The following TANC2 variants were observed in gnomAD, a reference collection of about 807,000 sequenced individuals.
The protein encoded by TANC2 is protein TANC2.
Under a neutral mutation model 210.5 loss-of-function variants are expected in TANC2, and 26 were observed. That is an observed-to-expected ratio of 0.12 (90% confidence interval 0.09 to 0.17). The LOEUF (loss-of-function observed/expected upper bound fraction) is 0.17, where lower values mean the gene tolerates loss of function less well. TANC2 is among the 10% of genes least tolerant of loss of function. The pLI is 1.00. For missense variants in TANC2, 2,129 were observed against 2,608.9 expected (o/e 0.82, Z 4.01); for synonymous variants, 931 against 967.1 (o/e 0.96, Z 0.69).
At chr17:63,261,343 AC>A (rs1189699306) in intron 8 of TANC2, among the ~76,000 whole-genome samples, 3 of 152,214 alleles carry the variant, frequency 2.0e-5, no homozygotes, top group African/African-American at 7.2e-5. Context: ...GGAAGTAGTT[AC>A]CACCTGTGGA....
intron 4 of TANC2, among the ~76,000 whole-genome samples, chr17:63,102,249 G>A (rs1168417071): frequency 1.3e-5 from 2 of 151,898 alleles, no homozygotes; most frequent in Non-Finnish European, 2.9e-5. Context: ...AGGTGGAGCT[G>A]CAATGAGCTC....
At chr17:63,113,738 G>T (rs1459266085) in intron 4 of TANC2, among the ~76,000 whole-genome samples, 2 of 152,080 alleles carry the variant, frequency 1.3e-5, no homozygotes, top group African/African-American at 4.8e-5. Context: ...AAAGTCCTGG[G>T]CTCAAGCAAC....
Position 63,369,397 on chromosome 17 carries a change from G to C in TANC2, c.2583-10321G>C, listed in dbSNP as rs1337767370. Among the ~76,000 whole-genome samples, 5 of 152,090 alleles carry C rather than the reference G, an allele frequency of 3.3e-5. No individual in the cohort carries two copies. In the South Asian group the frequency reaches 1.0e-3, roughly 32 times the overall value. On this transcript the variant is annotated intron_variant, in intron 14 of 27. Transcript: ENST00000689528. ...TTGAAAAATTACTTCATGTTGGCTA[G>C]GAATGAGTGGTTTGGAATAGACAGG...
At chr17:62,973,202 T>C (rs2031809591) in intron 1 of TANC2, among the ~76,000 whole-genome samples, 2 of 152,208 alleles carry the variant, frequency 1.3e-5, no homozygotes, top group South Asian at 4.1e-4. Context: ...GCTAATTTTG[T>C]TATATTTTTA....
chr17:63,281,514 G>A lies in TANC2; in HGVS notation c.1159+13641G>A, dbSNP rs537681201. ...AACTTTTCAGCTGCTTATTATAACC[G>A]AAGAGAATTTGAATCCGGCTAAGTT... On this transcript the variant is annotated intron_variant, in intron 9 of 27. Transcript: ENST00000689528. Among the ~76,000 whole-genome samples the A allele has an allele frequency of 5.9e-5, 9 of 152,124 alleles. No homozygotes were observed. The South Asian group carries it at 6.2e-4, about 11-fold the overall frequency.
At chr17:63,070,125 C>T (rs754014652) in intron 2 of TANC2, among the ~76,000 whole-genome samples, 5 of 152,080 alleles carry the variant, frequency 3.3e-5, no homozygotes, top group Non-Finnish European at 5.9e-5. Flanking sequence ...ATTATGTACA[C>T]ATTAGTTTTT....
intron 5 of TANC2, among the ~76,000 whole-genome samples, chr17:63,189,052 AT>A (rs2041098124): frequency 6.6e-6 from 1 of 151,660 alleles, no homozygotes; most frequent in Admixed American, 6.6e-5. Context: ...TTTGTGTCTG[AT>A]TTTCTTAGCA....
intron 1 of TANC2, chr17:63,004,822 C>T: frequency 3.1e-6 from 1 of 322,346 alleles, no homozygotes; most frequent in Non-Finnish European, 6.0e-6. Context: ...CCTTTCTTTA[C>T]CAAGGGCCTT....
At chr17:63,286,979 C>A (rs1312512326) in intron 9 of TANC2, among the ~76,000 whole-genome samples, 2 of 152,054 alleles carry the variant, frequency 1.3e-5, no homozygotes, top group Non-Finnish European at 2.9e-5. Flanking sequence ...ATACACCCAG[C>A]CTGGAGTACA....
intron 1 of TANC2, among the ~76,000 whole-genome samples, chr17:62,974,307 T>C (rs949578061): frequency 2.6e-5 from 4 of 152,220 alleles, no homozygotes; most frequent in African/African-American, 7.2e-5. Flanking sequence ...TTTTTTTTTC[T>C]TTAAAAGGTG....
intron 9 of TANC2, among the ~76,000 whole-genome samples, chr17:63,298,517 G>A (rs2044607431): frequency 6.6e-6 from 1 of 152,170 alleles, no homozygotes. Flanking sequence ...GTTTGCCAGA[G>A]ACGTGGGAAG....
intron 5 of TANC2, among the ~76,000 whole-genome samples, chr17:63,176,736 G>A (rs2040594588): frequency 6.6e-6 from 1 of 150,532 alleles, no homozygotes; most frequent in Non-Finnish European, 1.5e-5. Flanking sequence ...AACCCGGGAG[G>A]CGGAGCTTGC....
intron 7 of TANC2, among the ~76,000 whole-genome samples, chr17:63,236,295 A>C (rs2042618028): frequency 6.6e-6 from 1 of 152,056 alleles, no homozygotes. Context: ...CTGATACATG[A>C]ATTTTTTTAG....
At chr17:63,094,497 C>T (rs1294976978) in intron 3 of TANC2, among the ~76,000 whole-genome samples, 1 of 152,044 alleles carries the variant, frequency 6.6e-6, no homozygotes, top group African/African-American at 2.4e-5. Context: ...ATGATGTATA[C>T]AGTTCACTGA....
chr17:63,151,214 CT>C lies in TANC2; in HGVS notation c.323-53del, dbSNP rs1349116661. The C allele has an allele frequency of 7.1e-5, 59 of 833,780 alleles. No homozygotes were observed. The Admixed American group carries it at 9.3e-4, about 13-fold the overall frequency. 51.6% of individuals were successfully genotyped at this position (833,780 alleles called of 1,614,324 possible). ...TGTTTCTCTCCCTTCCTTTCTCTTT[CT>C]TTCTCTCTTGCTCTCTCTGTCTCTT... On this transcript the variant is annotated intron_variant, in intron 4 of 27. Transcript: ENST00000689528.
chr17:63,011,009 C>T (rs2033844177), intron 2 of TANC2, among the ~76,000 whole-genome samples: 1 of 151,978 alleles, frequency 6.6e-6, no homozygotes, highest in Admixed American at 6.6e-5. Context: ...ACCTTCAGCC[C>T]ATCTCTCCTC....
chr17:63,092,561 G>T (rs2144823430), intron 3 of TANC2, among the ~76,000 whole-genome samples: 1 of 152,146 alleles, frequency 6.6e-6, no homozygotes, highest in Non-Finnish European at 1.5e-5. Context: ...AATTCTGGAA[G>T]CTGTACAGGA....
chr17:63,383,863 A>G (rs1195380297), intron 15 of TANC2, among the ~76,000 whole-genome samples: 2 of 152,154 alleles, frequency 1.3e-5, no homozygotes, highest in African/African-American at 4.8e-5. Context: ...AAAGCTTCCC[A>G]GGTAATTCTA....
chr17:63,326,764 T>C (rs2045662600), intron 11 of TANC2, among the ~76,000 whole-genome samples: 3 of 151,544 alleles, frequency 2.0e-5, no homozygotes, highest in African/African-American at 7.3e-5. Flanking sequence ...AAACTTCTAA[T>C]GTTGCATGAC....
Sources: allele counts gnomAD v4.1 joint callset (sites outside exome capture counted in the v4.1 genomes callset), GRCh38; gene constraint gnomAD v4.1.1; transcripts MANE v1.5; gene names NCBI Gene and HGNC (gene_info 2026-07-23, HGNC 2026-07-21).